The following LRRD1 variants were observed in gnomAD, a reference collection of about 807,000 sequenced individuals.
LRRD1 encodes the protein leucine-rich repeat and death domain-containing protein 1.
A neutral mutation model predicts 69.5 loss-of-function variants in LRRD1; 49 were observed. That is an observed-to-expected ratio of 0.70 (90% CI 0.56 to 0.89). The LOEUF is 0.89. Ranked by LOEUF, LRRD1 falls within the 40% of genes least tolerant of loss-of-function variation. The pLI, the probability that LRRD1 is intolerant of heterozygous loss-of-function variation, is 0.00. For missense variants in LRRD1, 853 were observed against 956.0 expected (o/e 0.89, Z 1.42); for synonymous variants, 303 against 338.9 (o/e 0.89, Z 1.16).
intron 2 of LRRD1, among the ~76,000 whole-genome samples, chr7:92,162,946 C>G (rs1303832288): frequency 1.3e-5 from 2 of 152,134 alleles, no homozygotes; most frequent in Non-Finnish European, 2.9e-5. Context: ...TTTTGTCTTA[C>G]TTTTATCACT....
At chr7:92,152,140 A>AGTGTGTTTGTGT (rs1554481775) in intron 3 of LRRD1, among the ~76,000 whole-genome samples, 1 of 142,832 alleles carries the variant, frequency 7.0e-6, no homozygotes, top group African/African-American at 2.6e-5. Flanking sequence ...TGCTTCTGGG[A>AGTGTGTTTGTGT]GTGTGTGTGT....
At position 92,144,870 on chromosome 7, in the gene LRRD1, T is replaced by G; in HGVS notation, c.*18A>C. 7.0e-7 allele frequency: 1 copy of G among 1,429,786 alleles called. No individual in the cohort carries two copies. The highest frequency in any genetic ancestry group is 9.3e-7 in the Non-Finnish European group (1 of 1,071,934). The allele number at this position is 1,429,786 out of a possible 1,614,324, so 88.6% of individuals were successfully genotyped here. On this transcript the variant is annotated 3_prime_UTR_variant, in exon 6 of 6. Transcript: ENST00000458448. ...TAAGTGCATCAAAAGTTTTCAGTTT[T>G]TATTATTGATCCACTGGTTAGAATT...
chr7:92,164,702 T>A lies in LRRD1; in HGVS notation c.501A>T (p.Lys167Asn), dbSNP rs983427905. Residue 167 changes from lysine (K) to asparagine (N), a missense_variant, in exon 2 of 6, where the codon AAA becomes AAT. Coordinates refer to ENST00000458448, the MANE Select transcript of LRRD1 (RefSeq NM_001161528.2). ...TTTGATTCTTGTCTAAATATAGATATTTTACATATTTGATTTTTAAAATGT... is the reference window on the plus strand; with the variant it reads ...TTTGATTCTTGTCTAAATATAGATAATTTACATATTTGATTTTTAAAATGT... ...PKDILKIKYV[K>N]YLYLDKNQIK... The A allele has an allele frequency of 6.4e-7, 1 of 1,550,508 alleles. No homozygotes were observed. Among genetic ancestry groups the A allele is most frequent in the Admixed American group, 2.0e-5 (1 of 50,920 alleles).
At chr7:92,156,596 G>C (rs1584654803) in intron 3 of LRRD1, among the ~76,000 whole-genome samples, 2 of 152,180 alleles carry the variant, frequency 1.3e-5, no homozygotes, top group Admixed American at 6.5e-5. Context: ...ATCATTTCTT[G>C]CTAGTCTGTA....
intron 1 of LRRD1, among the ~76,000 whole-genome samples, chr7:92,176,963 A>AT (rs1554484104): frequency 3.4e-5 from 5 of 148,526 alleles, no homozygotes; most frequent in Non-Finnish European, 4.5e-5. Flanking sequence ...TATATATATA[A>AT]AACAAGAATA....
At chr7:92,165,363 ATAATT>A (rs1375991938) in intron 1 of LRRD1, 87 bp from the exon 2 acceptor site, 4 of 385,044 alleles carry the variant, frequency 1.0e-5, no homozygotes, top group Non-Finnish European at 1.8e-5. Flanking sequence ...TTTATAAGAA[ATAATT>A]TAATACAAAT....
At chr7:92,174,657 C>T (rs1354205261) in intron 1 of LRRD1, among the ~76,000 whole-genome samples, 8 of 147,718 alleles carry the variant, frequency 5.4e-5, no homozygotes, top group African/African-American at 1.2e-4. Context: ...TACAGGCATG[C>T]GCCACCATGC....
In LRRD1 at chr7:92,148,474, GATAT is replaced by G. The variant is rs71990084; in HGVS notation, c.2278+2056_2278+2059del. On this transcript the variant is annotated intron_variant, in intron 4 of 5. Coordinates refer to ENST00000458448, the MANE Select transcript of LRRD1 (RefSeq NM_001161528.2). ...TCTCTCAGGCTATATTTCATGCTAT[GATAT>G]ATATATATATATAAAATTCCAATCT... 3.1e-3 allele frequency among the ~76,000 whole-genome samples: 462 copies of G among 150,448 alleles called. 2 individuals carry two copies. Among genetic ancestry groups the G allele is most frequent in the African/African-American group, 0.011 (436 of 41,112 alleles).
At chr7:92,147,541 G>A (rs1263291488) in intron 4 of LRRD1, among the ~76,000 whole-genome samples, 4 of 151,954 alleles carry the variant, frequency 2.6e-5, no homozygotes, top group African/African-American at 7.3e-5. Flanking sequence ...AAAATTGTAC[G>A]TGCTTCTTTA....
intron 1 of LRRD1, among the ~76,000 whole-genome samples, chr7:92,172,466 G>T (rs1401824572): frequency 6.6e-6 from 1 of 151,944 alleles, no homozygotes; most frequent in Non-Finnish European, 1.5e-5. Flanking sequence ...TAAAAAATTT[G>T]TTAGAACTAA....
chr7:92,165,270 T>A lies in LRRD1; in HGVS notation c.-68A>T. 4 of 918,076 alleles carry A rather than the reference T, an allele frequency of 4.4e-6. No individual in the cohort carries two copies. Among genetic ancestry groups the A allele is most frequent in the Non-Finnish European group, 6.0e-6 (4 of 664,462 alleles). The allele number at this position is 918,076 out of a possible 1,614,324, so 56.9% of individuals were successfully genotyped here. ...TGATTTTAATTTTCATGTTTTTTCC[T>A]TTGAATCTACAAAACAAATGTTGAA... On this transcript the variant is annotated 5_prime_UTR_variant, in exon 2 of 6. In the 5' UTR this introduces an upstream ATG that the reference lacks. Coordinates refer to ENST00000458448, the MANE Select transcript of LRRD1 (RefSeq NM_001161528.2).
intron 1 of LRRD1, among the ~76,000 whole-genome samples, chr7:92,177,519 A>G (rs1402982359): frequency 6.6e-6 from 1 of 152,112 alleles, no homozygotes; most frequent in Non-Finnish European, 1.5e-5. Flanking sequence ...CTGGAGCTTT[A>G]TTGCTACAAT....
chr7:92,150,844 G>C, intron 3 of LRRD1, 149 bp from the exon 4 acceptor site: 1 of 602,092 alleles, frequency 1.7e-6, no homozygotes, highest in Non-Finnish European at 2.8e-6. Context: ...CACATGCTAA[G>C]AGCAAAAAAG....
chr7:92,160,086 C>T (rs1788766212), intron 2 of LRRD1, among the ~76,000 whole-genome samples: 1 of 152,078 alleles, frequency 6.6e-6, no homozygotes, highest in Non-Finnish European at 1.5e-5. Context: ...ATAAAAATTC[C>T]TACTATAAAA....
At chr7:92,142,468 GA>G (rs745479427), downstream of LRRD1, 10 of 456,734 alleles carry the variant, frequency 2.2e-5, no homozygotes, top group South Asian at 1.5e-4. Flanking sequence ...CCTACCCGCA[GA>G]AAGAGTGCAT....
At position 92,164,409 on chromosome 7, in the gene LRRD1, C is replaced by A. The variant is rs1037235454; in HGVS notation, c.794G>T (p.Gly265Val). ...CLGNLEILSLGKNKLRHIPDT... is the reference protein window; with the variant it reads ...CLGNLEILSLVKNKLRHIPDT... ...TGGTATATGTCTTAACTTATTTTTA[C>A]CCAAACTTAAAATTTCCAAGTTTCC... Residue 265 changes from glycine to valine, a missense_variant, in exon 2 of 6, where the codon GGT becomes GTT. Gly to Val is a moderately radical substitution (Grantham distance 109). Coordinates refer to ENST00000458448, the MANE Select transcript of LRRD1 (RefSeq NM_001161528.2). 6.5e-7 allele frequency: 1 copy of A among 1,547,936 alleles called. No individual in the cohort carries two copies. Among genetic ancestry groups the A allele is most frequent in the Non-Finnish European group, 8.7e-7 (1 of 1,145,938 alleles).
At chr7:92,154,918 C>A (rs1333235219) in intron 3 of LRRD1, among the ~76,000 whole-genome samples, 1 of 152,192 alleles carries the variant, frequency 6.6e-6, no homozygotes, top group Non-Finnish European at 1.5e-5. Context: ...TCATGTCTTT[C>A]ACCCACAAAT....
intron 1 of LRRD1, among the ~76,000 whole-genome samples, chr7:92,169,847 A>AT (rs929897893): frequency 1.3e-5 from 2 of 151,708 alleles, no homozygotes; most frequent in Non-Finnish European, 2.9e-5. Context: ...AGGCAGGAGG[A>AT]TTGCTTGAGG....
chr7:92,167,603 C>T (rs1391489832), intron 1 of LRRD1, among the ~76,000 whole-genome samples: 1 of 151,576 alleles, frequency 6.6e-6, no homozygotes, highest in African/African-American at 2.4e-5. Flanking sequence ...CTCAGCCGGG[C>T]GCGGTGGCTC....
Sources: gnomAD v4.1 joint callset for allele counts (sites outside exome capture counted in the v4.1 genomes callset) on GRCh38, gnomAD v4.1.1 for gene constraint, MANE v1.5 for transcripts, NCBI Gene and HGNC (gene_info 2026-07-23, HGNC 2026-07-21) for gene names.